CALU: variants seen among roughly 807,000 people sequenced by gnomAD.
CALU encodes calumenin, also known as IEF SSP 9302.
Under a neutral mutation model 37.5 loss-of-function variants are expected in CALU, and 13 were observed. The ratio of observed to expected loss-of-function variants is 0.35; its 90% CI spans 0.23 to 0.55. The LOEUF (loss-of-function observed/expected upper bound fraction) is 0.55. CALU is among the 20% of genes least tolerant of loss of function. CALU has a pLI of 0.89. For missense variants in CALU, 282 were observed against 391.7 expected, an observed-to-expected ratio of 0.72 and a Z score of 2.36; for synonymous variants, 114 against 133.8, an observed-to-expected ratio of 0.85 and a Z score of 1.02.
At chr7:128,740,692 C>G (rs1027101009) in intron 1 of CALU, among the ~76,000 whole-genome samples, 1 of 151,990 alleles carries the variant, frequency 6.6e-6, no homozygotes, top group Non-Finnish European at 1.5e-5. Context: ...TTGAGAATCA[C>G]AAGTAGGAAA....
chr7:128,773,040 C>A lies in CALU; in HGVS notation c.*3873C>A, dbSNP rs570956146. ...GAGTCTACCTCTGGGATTGAGGAAACAATACCATCTGAAAGTAGGGTTTTT... is the reference window on the plus strand; with the variant it reads ...GAGTCTACCTCTGGGATTGAGGAAAAAATACCATCTGAAAGTAGGGTTTTT... On this transcript the variant is annotated 3_prime_UTR_variant, in exon 7 of 7. Transcript: ENST00000249364. 1.5e-3 allele frequency among the ~76,000 whole-genome samples: 225 copies of A among 152,316 alleles called. 7 individuals carry two copies. The South Asian group carries it at 0.042, about 28-fold the overall frequency.
Position 128,748,615 on chromosome 7 carries a change from C to T in CALU, c.32C>T (p.Ser11Phe). The T allele has an allele frequency of 6.2e-7, 1 of 1,614,056 alleles. No homozygotes were observed. The highest frequency in any genetic ancestry group is 1.3e-5 in the African/African-American group (1 of 75,044). MDLRQFLMCLSLCTAFALSKP... is the reference protein window; with the variant it reads MDLRQFLMCLFLCTAFALSKP... ...CTGCGACAGTTTCTTATGTGCCTGT[C>T]CCTGTGCACAGCCTTTGCCTTGAGC... The change falls in exon 2 of 7, where the codon TCC (serine) becomes TTC (phenylalanine). Residue 11 changes from serine to phenylalanine, a missense_variant. Ser to Phe is a radical substitution (Grantham distance 155). Transcript: ENST00000249364.
chr7:128,750,623 T>C (rs561866614), intron 2 of CALU, among the ~76,000 whole-genome samples: 2 of 152,376 alleles, frequency 1.3e-5, no homozygotes, highest in East Asian at 1.9e-4. Flanking sequence ...ATCCCTACTT[T>C]ATACAGTAAC....
At chr7:128,766,444 T>C (rs1801336004) in intron 5 of CALU, among the ~76,000 whole-genome samples, 1 of 113,214 alleles carries the variant, frequency 8.8e-6, no homozygotes, top group African/African-American at 2.9e-5. Flanking sequence ...TTTTTTTTTT[T>C]TTGAGACGGA....
At chr7:128,767,038 G>T (rs1190032979) in intron 5 of CALU, among the ~76,000 whole-genome samples, 2 of 152,156 alleles carry the variant, frequency 1.3e-5, no homozygotes, top group Non-Finnish European at 2.9e-5. Context: ...CCAGGGGCGT[G>T]CTTGTCCCAA....
chr7:128,752,705 G>A (rs1205011732), intron 2 of CALU, among the ~76,000 whole-genome samples: 1 of 151,972 alleles, frequency 6.6e-6, no homozygotes. Flanking sequence ...TTTTTTCTGA[G>A]ACGAAGTCTT....
chr7:128,744,814 G>T (rs1800370111), intron 1 of CALU, among the ~76,000 whole-genome samples: 1 of 152,160 alleles, frequency 6.6e-6, no homozygotes, highest in Admixed American at 6.5e-5. Flanking sequence ...CCTGTTTAAG[G>T]GATGAGATTG....
intron 1 of CALU, among the ~76,000 whole-genome samples, chr7:128,746,358 G>A (rs1010347724): frequency 1.5e-4 from 23 of 151,544 alleles, no homozygotes; most frequent in East Asian, 5.8e-4. Flanking sequence ...GGGTTTCACC[G>A]TATTTCCCAG....
rs1801546117 is a variant in CALU at position 128,771,143 on chromosome 7, G to A, written c.*1976G>A. The A allele has an allele frequency of 6.6e-6, 1 of 152,398 alleles. No individual in the cohort carries two copies. The highest frequency in any genetic ancestry group is 2.1e-4 in the South Asian group (1 of 4,830). The allele number at this position is 152,398 out of a possible 1,614,324, so 9.4% of individuals were successfully genotyped here. ...TTAGTTAAGTGAGAGTGTGAACTGTGTGGCAAGAGAGCCTCACACCTCACT... is the reference window on the plus strand; with the variant it reads ...TTAGTTAAGTGAGAGTGTGAACTGTATGGCAAGAGAGCCTCACACCTCACT... On this transcript the variant is annotated 3_prime_UTR_variant, in exon 7 of 7. Transcript: ENST00000249364.
At chr7:128,741,817 GA>G (rs1354937013) in intron 1 of CALU, among the ~76,000 whole-genome samples, 1 of 152,120 alleles carries the variant, frequency 6.6e-6, no homozygotes, top group African/African-American at 2.4e-5. Context: ...GCTTGTCAAC[GA>G]AAAGGAAACT....
At chr7:128,768,847 C>CAAAAAAAAAAAAA (rs1012831963) in intron 6 of CALU, among the ~76,000 whole-genome samples, 559 of 55,084 alleles carry the variant, frequency 0.01, 42 homozygotes, top group Middle Eastern at 0.011. Flanking sequence ...AACTCCGTCT[C>CAAAAAAAAAAAAA]AAAAAAAAAA....
intron 5 of CALU, among the ~76,000 whole-genome samples, chr7:128,763,249 G>A (rs1037081546): frequency 6.6e-5 from 10 of 151,918 alleles, no homozygotes; most frequent in Non-Finnish European, 1.2e-4. Flanking sequence ...ATAGAAATTC[G>A]GCCGAGCATG....
At chr7:128,742,846 G>C (rs1278024986) in intron 1 of CALU, among the ~76,000 whole-genome samples, 1 of 152,028 alleles carries the variant, frequency 6.6e-6, no homozygotes, top group Non-Finnish European at 1.5e-5. Context: ...GACCATTATT[G>C]GTGACATACT....
intron 1 of CALU, among the ~76,000 whole-genome samples, chr7:128,740,479 A>T (rs1053491100): frequency 6.6e-6 from 1 of 152,246 alleles, no homozygotes; most frequent in Admixed American, 6.5e-5. Context: ...TTGACACAAG[A>T]CAAATGCAAG....
At chr7:128,760,856 T>C (rs1801086058) in intron 5 of CALU, among the ~76,000 whole-genome samples, 1 of 151,970 alleles carries the variant, frequency 6.6e-6, no homozygotes, top group Non-Finnish European at 1.5e-5. Context: ...TGCAGTAAGC[T>C]GAGATCATGC....
rs1335956271 is a variant in CALU, at chr7:128,772,519, A to G, written c.*3352A>G. On this transcript the variant is annotated 3_prime_UTR_variant, in exon 7 of 7. Transcript: ENST00000249364. ...AGTAAAATTTAATTCTAGCTGTTGC[A>G]AACAGGCCAATATTGGGTCCTCAGT... The G allele has an allele frequency of 3.7e-6, 6 of 1,614,040 alleles. No individual in the cohort carries two copies. Among genetic ancestry groups the G allele is most frequent in the Non-Finnish European group, 4.2e-6 (5 of 1,179,996 alleles).
chr7:128,751,258 A>G (rs1800661305), intron 2 of CALU, among the ~76,000 whole-genome samples: 1 of 150,276 alleles, frequency 6.7e-6, no homozygotes, highest in South Asian at 2.1e-4. Context: ...ACTGCACTCC[A>G]GCCTGGCAAC....
intron 3 of CALU, among the ~76,000 whole-genome samples, chr7:128,757,393 A>G (rs1417361653): frequency 9.0e-6 from 1 of 111,376 alleles, no homozygotes. Flanking sequence ...GTGTGTGTGT[A>G]CACAGGATCC....
intron 5 of CALU, chr7:128,761,202 A>G (rs1801102344): frequency 6.6e-6 from 1 of 152,184 alleles, no homozygotes; most frequent in South Asian, 2.1e-4. Context: ...TCTCCCAAGT[A>G]AAGCTCTGTT....
Sources: allele counts gnomAD v4.1 joint callset (sites outside exome capture counted in the v4.1 genomes callset), GRCh38; gene constraint gnomAD v4.1.1; transcripts MANE v1.5; gene names NCBI Gene and HGNC (gene_info 2026-07-23, HGNC 2026-07-21).